Variants in HS6ST3 observed in about 807,000 individuals in gnomAD.
HS6ST3 encodes the protein heparan-sulfate 6-O-sulfotransferase 3.
A neutral mutation model predicts 36.7 loss-of-function variants in HS6ST3; 12 were observed. The ratio of observed to expected loss-of-function variants is 0.33; its 90% CI spans 0.21 to 0.53. The LOEUF (loss-of-function observed/expected upper bound fraction) is 0.53. HS6ST3 is among the 20% of genes least tolerant of loss of function. The pLI is 0.95. For missense variants in HS6ST3, 584 were observed against 640.9 expected (o/e 0.91, Z 0.96); for synonymous variants, 240 against 257.5 (o/e 0.93, Z 0.65).
chr13:96,180,504 T>C (rs529860844), intron 1 of HS6ST3, among the ~76,000 whole-genome samples: 1 of 149,328 alleles, frequency 6.7e-6, no homozygotes, highest in East Asian at 2.0e-4. Flanking sequence ...GACAGCAAAA[T>C]AAATAAGGAA....
chr13:96,314,639 A>G (rs1163659625), intron 1 of HS6ST3, among the ~76,000 whole-genome samples: 2 of 152,228 alleles, frequency 1.3e-5, no homozygotes, highest in South Asian at 2.1e-4. Flanking sequence ...ACTCATCAAC[A>G]TGGATGAATT....
rs747297518 is a variant in HS6ST3, at chr13:96,832,716, C to T, written c.934C>T (p.Arg312Cys). The change falls in exon 2 of 2, where the codon CGC (arginine) becomes TGC (cysteine). Residue 312 changes from arginine to cysteine, a missense_variant. By Grantham distance (180) the Arg-to-Cys change is radical. Coordinates refer to ENST00000376705, the MANE Select transcript of HS6ST3 (RefSeq NM_153456.4). ...TYNLANNRQV[R>C]MLADLSLVGC... is the part of the protein sequence containing the mutation. ...CAACCTGGCTAACAATCGCCAGGTG[C>T]GCATGCTGGCTGACCTCAGCCTGGT... The T allele has an allele frequency of 1.7e-5, 27 of 1,613,828 alleles. No homozygotes were observed. Among genetic ancestry groups the T allele is most frequent in the Non-Finnish European group, 2.2e-5 (26 of 1,179,926 alleles).
chr13:96,657,443 C>T (rs893529189), intron 1 of HS6ST3, among the ~76,000 whole-genome samples: 1 of 152,036 alleles, frequency 6.6e-6, no homozygotes, highest in East Asian at 1.9e-4. Context: ...ATCGCTTGAA[C>T]CTGGGAGGTC....
At chr13:96,167,021 A>G (rs2054164122) in intron 1 of HS6ST3, among the ~76,000 whole-genome samples, 1 of 152,076 alleles carries the variant, frequency 6.6e-6, no homozygotes, top group Admixed American at 6.5e-5. Flanking sequence ...CTGAGGCCTC[A>G]CCAGTCATGC....
chr13:96,100,145 A>G (rs1459022130), intron 1 of HS6ST3, among the ~76,000 whole-genome samples: 2 of 152,204 alleles, frequency 1.3e-5, no homozygotes, highest in Non-Finnish European at 2.9e-5. Flanking sequence ...AAAGAAGGTA[A>G]TATTGAACAT....
Position 96,772,875 on chromosome 13 carries a change from C to T in HS6ST3, c.708-59615C>T, listed in dbSNP as rs1240539306. Among the ~76,000 whole-genome samples the T allele has an allele frequency of 3.3e-5, 5 of 152,138 alleles. No homozygotes were observed. In the East Asian group the frequency reaches 7.7e-4, roughly 24 times the overall value. ...AAATTTTCTTTGTTGAAATTCCTGG[C>T]AAGATAGCCGAATAGGAACAGCTCC... On this transcript the variant is annotated intron_variant, in intron 1 of 1. Coordinates refer to ENST00000376705, the MANE Select transcript of HS6ST3 (RefSeq NM_153456.4).
chr13:96,283,478 C>T (rs1220257035), intron 1 of HS6ST3, among the ~76,000 whole-genome samples: 1 of 152,158 alleles, frequency 6.6e-6, no homozygotes, highest in African/African-American at 2.4e-5. Context: ...ATCCCCCCTT[C>T]CATTAGGAAC....
At position 96,636,593 on chromosome 13, in the gene HS6ST3, T is replaced by A. The variant is rs547217913; in HGVS notation, c.708-195897T>A. 3.3e-3 allele frequency among the ~76,000 whole-genome samples: 501 copies of A among 152,254 alleles called. 3 individuals carry two copies. The highest frequency in any genetic ancestry group is 6.8e-3 in the Middle Eastern group (2 of 294). ...CAGAGCACAATATGAGTCATTTTAT[T>A]TACTCTTGGTACTTTGTGGTGCCAG... On this transcript the variant is annotated intron_variant, in intron 1 of 1. Transcript: ENST00000376705.
intron 1 of HS6ST3, among the ~76,000 whole-genome samples, chr13:96,216,324 A>T (rs1214360585): frequency 6.6e-6 from 1 of 152,070 alleles, no homozygotes; most frequent in African/African-American, 2.4e-5. Flanking sequence ...AGTCTTTTTG[A>T]TGACTGCTTA....
At chr13:96,140,116 G>A (rs1331599124) in intron 1 of HS6ST3, among the ~76,000 whole-genome samples, 2 of 151,980 alleles carry the variant, frequency 1.3e-5, no homozygotes, top group Admixed American at 6.6e-5. Context: ...TTTATTATAC[G>A]CTAACCATAA....
At chr13:96,645,572 A>T (rs1282231786) in intron 1 of HS6ST3, among the ~76,000 whole-genome samples, 1 of 151,590 alleles carries the variant, frequency 6.6e-6, no homozygotes, top group Non-Finnish European at 1.5e-5. Context: ...AGTGTGTTTG[A>T]CCTTATTATA....
intron 1 of HS6ST3, among the ~76,000 whole-genome samples, chr13:96,435,095 A>G (rs1028762975): frequency 6.6e-6 from 1 of 152,144 alleles, no homozygotes; most frequent in Non-Finnish European, 1.5e-5. Context: ...ATTCAGTGCT[A>G]AAAAATTCCT....
chr13:96,536,544 A>G (rs1345193974), intron 1 of HS6ST3, among the ~76,000 whole-genome samples: 1 of 152,266 alleles, frequency 6.6e-6, no homozygotes, highest in African/African-American at 2.4e-5. Context: ...TTTAGCTGGG[A>G]GCGTTCGTTT....
At chr13:96,137,755 T>TA (rs1310856970) in intron 1 of HS6ST3, among the ~76,000 whole-genome samples, 1 of 152,170 alleles carries the variant, frequency 6.6e-6, no homozygotes, top group Non-Finnish European at 1.5e-5. Context: ...CATTTGACCC[T>TA]ACAAGGCCCA....
intron 1 of HS6ST3, among the ~76,000 whole-genome samples, chr13:96,183,628 A>G (rs2054250538): frequency 1.3e-5 from 2 of 152,204 alleles, no homozygotes; most frequent in Non-Finnish European, 2.9e-5. Flanking sequence ...GTGCTACAGT[A>G]TGGATGAACC....
At chr13:96,678,963 C>T (rs1470766592) in intron 1 of HS6ST3, among the ~76,000 whole-genome samples, 1 of 151,820 alleles carries the variant, frequency 6.6e-6, no homozygotes, top group African/African-American at 2.4e-5. Context: ...CAAAACAGTG[C>T]ATTAAAATGT....
At position 96,668,686 on chromosome 13, in the gene HS6ST3, C is replaced by CTT. The variant is rs146033180; in HGVS notation, c.708-163765_708-163764dup. 1.4e-3 allele frequency among the ~76,000 whole-genome samples: 83 copies of CTT among 58,928 alleles called. 4 individuals are homozygous for CTT. The highest frequency in any genetic ancestry group is 1.8e-3 in the African/African-American group (26 of 14,808). 38.7% of individuals were successfully genotyped at this position (58,928 alleles called of 152,430 possible). On this transcript the variant is annotated intron_variant, in intron 1 of 1. Coordinates refer to ENST00000376705, the MANE Select transcript of HS6ST3 (RefSeq NM_153456.4). The stretch of plus-strand genomic sequence containing the variant: ...GGGAGCTGAGCACAGTAGTGCCAAC[C>CTT]TTTTTTTTTTTTTTTTTTTTTTTTT...
At position 96,834,361 on chromosome 13, in the gene HS6ST3, GAATAT is replaced by G. The variant is rs1878877102; in HGVS notation, c.*1164_*1168del. 6.6e-6 allele frequency: 1 copy of G among 152,190 alleles called. No individual in the cohort carries two copies. The highest frequency in any genetic ancestry group is 1.5e-5 in the Non-Finnish European group (1 of 68,040). 9.4% of individuals were successfully genotyped at this position (152,190 alleles called of 1,614,324 possible). A position where few individuals can be genotyped will look rare whatever the true frequency, so the allele number is the denominator to read the frequency against. On this transcript the variant is annotated 3_prime_UTR_variant, in exon 2 of 2. Coordinates refer to ENST00000376705, the MANE Select transcript of HS6ST3 (RefSeq NM_153456.4). The stretch of plus-strand genomic sequence containing the variant: ...GAAAGACTCTGCCTCCCAGCATCTT[GAATAT>G]CTCCAGCCTGTTCACTGTTTTCTTC...
chr13:96,218,168 T>G (rs2139361116), intron 1 of HS6ST3, among the ~76,000 whole-genome samples: 1 of 152,292 alleles, frequency 6.6e-6, no homozygotes, highest in Admixed American at 6.5e-5. Context: ...GCAATGCTCC[T>G]CACCATCTCT....
Sources: allele counts gnomAD v4.1 joint callset (sites outside exome capture counted in the v4.1 genomes callset), GRCh38; gene constraint gnomAD v4.1.1; transcripts MANE v1.5; gene names NCBI Gene and HGNC (gene_info 2026-07-23, HGNC 2026-07-21).